DIP2B: variants seen among roughly 807,000 people sequenced by gnomAD.
DIP2B encodes DIP2 acetate--CoA ligase B (putative), also known as disco-interacting protein 2 homolog B.
A neutral mutation model predicts 198.0 loss-of-function variants in DIP2B; 76 were observed. The ratio of observed to expected loss-of-function variants is 0.38; its 90% CI spans 0.32 to 0.46. The LOEUF is 0.46. Ranked by LOEUF, DIP2B falls within the 20% of genes least tolerant of loss-of-function variation. DIP2B has a pLI of 0.99. For missense variants in DIP2B, 1,559 were observed against 1,978.4 expected (o/e 0.79, Z 4.02); for synonymous variants, 701 against 739.1 (o/e 0.95, Z 0.84).
intron 11 of DIP2B, 142 bp downstream of exon 11, chr12:50,686,098 TCC>T: frequency 3.4e-6 from 3 of 890,196 alleles, no homozygotes; most frequent in Non-Finnish European, 4.8e-6. Context: ...ACCATTATTA[TCC>T]CCATTTTACA....
At chr12:50,512,296 G>A (rs951231114) in intron 1 of DIP2B, among the ~76,000 whole-genome samples, 4 of 151,710 alleles carry the variant, frequency 2.6e-5, no homozygotes, top group African/African-American at 7.3e-5. Flanking sequence ...TAGTAGAGAC[G>A]GGGTTTCACT....
chr12:50,730,201 C>G (rs1940013791), intron 30 of DIP2B, among the ~76,000 whole-genome samples: 1 of 152,214 alleles, frequency 6.6e-6, no homozygotes, highest in African/African-American at 2.4e-5. Flanking sequence ...CAATGACTGC[C>G]TGCTGGGTGA....
intron 19 of DIP2B, among the ~76,000 whole-genome samples, chr12:50,703,045 G>A (rs865922111): frequency 1.3e-5 from 2 of 151,832 alleles, no homozygotes; most frequent in East Asian, 1.9e-4. Context: ...ACAATGTAGC[G>A]AGACCCATCT....
chr12:50,710,907 G>C (rs2139572873), intron 22 of DIP2B, among the ~76,000 whole-genome samples: 1 of 152,330 alleles, frequency 6.6e-6, no homozygotes, highest in South Asian at 2.1e-4. Context: ...CTAAGGGGCA[G>C]ACGTGCAAAG....
chr12:50,595,913 C>T (rs1036240471), intron 1 of DIP2B, among the ~76,000 whole-genome samples: 2 of 152,202 alleles, frequency 1.3e-5, no homozygotes, highest in African/African-American at 4.8e-5. Flanking sequence ...TGCCTTATCA[C>T]CCTCAAGGAG....
At chr12:50,560,442 C>T (rs977910165) in intron 1 of DIP2B, among the ~76,000 whole-genome samples, 2 of 151,328 alleles carry the variant, frequency 1.3e-5, no homozygotes, top group African/African-American at 4.9e-5. Flanking sequence ...GTGGCATGTA[C>T]CTGTAATCCC....
At position 50,697,068 on chromosome 12, in the gene DIP2B, G is replaced by A. The variant is rs766943419; in HGVS notation, c.1941G>A (p.Val647=). Residue 647 remains valine (V), a synonymous_variant, in exon 17 of 38, where the codon GTG becomes GTA. Transcript: ENST00000301180. ...TCTGTTCCAACTCCTTAGGGTCCGT[G>A]TCATCCTGTGATGCCTTCCTGAGTC... ...IVTDGANPWS[V]SSCDAFLSLF... 3 of 1,613,932 alleles carry A rather than the reference G, an allele frequency of 1.9e-6. No individual in the cohort carries two copies. Among genetic ancestry groups the A allele is most frequent in the Non-Finnish European group, 2.5e-6 (3 of 1,179,892 alleles).
intron 2 of DIP2B, among the ~76,000 whole-genome samples, chr12:50,638,009 C>T (rs573064427): frequency 1.7e-3 from 256 of 152,228 alleles, no homozygotes; most frequent in South Asian, 2.9e-3. Flanking sequence ...GTTTTTGAAC[C>T]TAAAATGTGT....
chr12:50,529,379 G>C (rs1958195904), intron 1 of DIP2B, among the ~76,000 whole-genome samples: 1 of 152,214 alleles, frequency 6.6e-6, no homozygotes, highest in South Asian at 2.1e-4. Flanking sequence ...AAGGTGCTTA[G>C]GTGCAGGGCA....
intron 23 of DIP2B, among the ~76,000 whole-genome samples, chr12:50,715,324 C>T (rs1592139934): frequency 6.6e-6 from 1 of 152,278 alleles, no homozygotes; most frequent in South Asian, 2.1e-4. Context: ...CTTGGCTTGG[C>T]TGGGATCCAC....
At chr12:50,505,273 G>T in intron 1 of DIP2B, 33 bp downstream of exon 1, 2 of 1,441,644 alleles carry the variant, frequency 1.4e-6, no homozygotes, top group Non-Finnish European at 1.8e-6. Context: ...GGCGCCCGGG[G>T]CCCTGCGGAT....
chr12:50,555,026 C>G (rs1413285469), intron 1 of DIP2B, among the ~76,000 whole-genome samples: 1 of 152,154 alleles, frequency 6.6e-6, no homozygotes, highest in Non-Finnish European at 1.5e-5. Flanking sequence ...CCTCAACTTC[C>G]CAAAGTGCTG....
At chr12:50,736,936 G>A (rs1363481023) in intron 34 of DIP2B, 100 bp from the exon 35 acceptor site, 2 of 1,142,204 alleles carry the variant, frequency 1.8e-6, no homozygotes, top group Non-Finnish European at 2.6e-6. Flanking sequence ...CTCGCCATGT[G>A]TGCCTCTCTC....
intron 12 of DIP2B, among the ~76,000 whole-genome samples, chr12:50,688,723 T>G (rs941199454): frequency 1.3e-5 from 2 of 152,202 alleles, no homozygotes; most frequent in African/African-American, 4.8e-5. Flanking sequence ...CTATGTCATG[T>G]CTCAGTGATG....
In DIP2B at chr12:50,674,488, C is replaced by T. The variant is rs1938910464; in HGVS notation, c.655C>T (p.Pro219Ser). 1 of 1,614,188 alleles carries T rather than the reference C, an allele frequency of 6.2e-7. No individual in the cohort carries two copies. Among genetic ancestry groups the T allele is most frequent in the Admixed American group, 1.7e-5 (1 of 60,026 alleles). The change falls in exon 6 of 38, where the codon CCT (proline) becomes TCT (serine). Residue 219 changes from proline to serine, a missense_variant. Pro to Ser is a moderately conservative substitution (Grantham distance 74). Transcript: ENST00000301180. ...TCTCCTCTCAGAGAATTTCTCTGCT[C>T]CTCCTGATGTCACTACAACTACCTC... ...ANTRIENFSAPPDVTTTTSSS... is the reference protein window; with the variant it reads ...ANTRIENFSASPDVTTTTSSS...
At chr12:50,722,253 GTTTAT>G (rs147287033) in intron 26 of DIP2B, among the ~76,000 whole-genome samples, 10,750 of 143,046 alleles carry the variant, frequency 0.075, 819 homozygotes, top group East Asian at 0.34. Flanking sequence ...TTGTTTGTTT[GTTTAT>G]TTTATTTTAT....
intron 30 of DIP2B, among the ~76,000 whole-genome samples, chr12:50,730,993 T>C (rs759164068): frequency 2.6e-4 from 39 of 152,180 alleles, no homozygotes; most frequent in African/African-American, 8.9e-4. Flanking sequence ...AAAGAAACCA[T>C]AGGAATAAAA....
At chr12:50,528,417 A>G (rs1229712076) in intron 1 of DIP2B, among the ~76,000 whole-genome samples, 1 of 151,768 alleles carries the variant, frequency 6.6e-6, no homozygotes, top group Non-Finnish European at 1.5e-5. Flanking sequence ...CCTGGGCAAC[A>G]TAATGAGACC....
At chr12:50,727,919 G>A in intron 29 of DIP2B, 107 bp downstream of exon 29, 2 of 866,544 alleles carry the variant, frequency 2.3e-6, no homozygotes, top group Admixed American at 2.2e-5. Context: ...AGACCGGTAG[G>A]CAGAGTGAAG....
Sources: gnomAD v4.1 joint callset for allele counts (sites outside exome capture counted in the v4.1 genomes callset) on GRCh38, gnomAD v4.1.1 for gene constraint, MANE v1.5 for transcripts, NCBI Gene and HGNC (gene_info 2026-07-23, HGNC 2026-07-21) for gene names.